Variants in TTLL8 observed in about 807,000 individuals in gnomAD.
TTLL8 encodes the protein tubulin tyrosine ligase like 8.
TTLL8 carries 65 observed loss-of-function variants against 77.8 expected under a neutral mutation model. The ratio of observed to expected loss-of-function variants is 0.84; its 90% CI spans 0.68 to 1.03. The LOEUF is 1.03. Ranked by LOEUF, TTLL8 falls within the 50% of genes least tolerant of loss-of-function variation. The pLI is 0.00. For synonymous variants in TTLL8, 402 were observed against 422.8 expected (o/e 0.95, Z 0.60); for missense variants, 910 against 1,004.5 (o/e 0.91, Z 1.27).
intron 3 of TTLL8, 124 bp downstream of exon 5, chr22:50,049,109 GGGGCCCTGCTGTGACT>G (rs2061429450): frequency 1.6e-6 from 2 of 1,272,590 alleles, no homozygotes; most frequent in African/African-American, 3.1e-5. Flanking sequence ...GCCCGGTCAA[GGGGCCCTGCTGTGACT>G]GGGGCTTTGC....
chr22:50,051,431 GT>G (rs1393491932), intron 1 of TTLL8, among the ~76,000 whole-genome samples: 1 of 152,198 alleles, frequency 6.6e-6, no homozygotes, highest in Non-Finnish European at 1.5e-5. Context: ...TTATCCGCTC[GT>G]TGGTTGATGG....
chr22:50,025,689 A>C (rs2061226628), intron 12 of TTLL8, among the ~76,000 whole-genome samples: 1 of 152,204 alleles, frequency 6.6e-6, no homozygotes, highest in Non-Finnish European at 1.5e-5. Flanking sequence ...AACCACTACA[A>C]GTAACTAACC....
chr22:50,030,411 C>A lies in TTLL8; in HGVS notation c.2203+19G>T, dbSNP rs777952873. 4 of 1,301,920 alleles carry A rather than the reference C, an allele frequency of 3.1e-6. No homozygotes were observed. The highest frequency in any genetic ancestry group is 3.0e-6 in the Non-Finnish European group (3 of 1,000,384). The allele number at this position is 1,301,920 out of a possible 1,614,324, so 80.6% of individuals were successfully genotyped here. A position where few individuals can be genotyped will look rare whatever the true frequency, so the allele number is the denominator to read the frequency against. On this transcript the variant is annotated intron_variant, in intron 12 of 13. Coordinates refer to ENST00000266182, the Ensembl canonical transcript of TTLL8. ...GGCGGCCCCCAAGCCCACAGCGCAC[C>A]GCCGGCGGCGCAGGTTACCTTTTCC...
upstream of TTLL8, among the ~76,000 whole-genome samples, chr22:50,056,046 G>A (rs1173120674): frequency 5.7e-4 from 87 of 152,236 alleles, no homozygotes; most frequent in Non-Finnish European, 1.2e-4. This position sits in a 1 kb window ranked among gnomAD's most constrained non-coding sequence, Gnocchi z 4.1. Context: ...AGTGACCTCC[G>A]GTCGTCCTCA....
upstream of TTLL8, chr22:50,056,715 G>C (rs1272991432): frequency 2.0e-6 from 2 of 981,552 alleles, no homozygotes; most frequent in Non-Finnish European, 2.4e-6. The surrounding 1 kb of genome is among the most constrained non-coding windows in gnomAD (Gnocchi z 4.1). Context: ...CCTCCGCCTG[G>C]ACCGTCCAAG....
At chr22:50,048,369 T>C (rs73893120) in intron 3 of TTLL8, among the ~76,000 whole-genome samples, 1,655 of 152,256 alleles carry the variant, frequency 0.011, 29 homozygotes, top group African/African-American at 0.037. Flanking sequence ...GTCATGAGCC[T>C]GAGCCCCTTA....
chr22:50,052,184 G>A (rs1250672537), intron 1 of TTLL8, among the ~76,000 whole-genome samples: 3 of 152,196 alleles, frequency 2.0e-5, no homozygotes, highest in South Asian at 2.1e-4. Flanking sequence ...GGCTGTGCAC[G>A]TGAATGAGCC....
intron 3 of TTLL8, among the ~76,000 whole-genome samples, chr22:50,048,567 C>A (rs1002399718): frequency 3.3e-5 from 5 of 152,118 alleles, no homozygotes; most frequent in African/African-American, 1.2e-4. Context: ...TGCCCACGGA[C>A]CTGTGGGAGC....
intron 1 of TTLL8, among the ~76,000 whole-genome samples, chr22:50,052,730 CAT>C (rs758904888): frequency 2.0e-5 from 3 of 152,192 alleles, no homozygotes; most frequent in Non-Finnish European, 4.4e-5. Flanking sequence ...TAGAAAGATA[CAT>C]GTGTATGCAC....
chr22:50,049,223 G>A, intron 3 of TTLL8, 26 bp downstream of exon 5: 10 of 1,367,470 alleles, frequency 7.3e-6, no homozygotes, highest in Non-Finnish European at 8.8e-6. Flanking sequence ...GGCCGCAGCT[G>A]ACCATGACGC....
At chr22:50,028,970 G>A (rs202124340) in intron 12 of TTLL8, among the ~76,000 whole-genome samples, 193 of 25,670 alleles carry the variant, frequency 7.5e-3, no homozygotes, top group East Asian at 0.017. Context: ...ACACCGTCCT[G>A]AAGACCCCCA....
upstream of TTLL8, among the ~76,000 whole-genome samples, chr22:50,055,883 G>A (rs965098256): frequency 1.3e-5 from 2 of 152,126 alleles, no homozygotes; most frequent in African/African-American, 4.8e-5. Context: ...ATGAGGCTGA[G>A]ACCTACAGGG....
intron 5 of TTLL8, chr22:50,045,634 G>T (rs1055895948): frequency 5.1e-6 from 3 of 593,544 alleles, no homozygotes; most frequent in South Asian, 7.5e-5. Context: ...GCTGCTCGCC[G>T]CGCTGTCCAC....
At chr22:50,035,649 C>CCCTGA (rs552318697) in intron 8 of TTLL8, among the ~76,000 whole-genome samples, 224 of 152,284 alleles carry the variant, frequency 1.5e-3, no homozygotes, top group Middle Eastern at 3.4e-3. Flanking sequence ...CCCCCCGCGC[C>CCCTGA]CCTGAAGCAG....
rs759149193 is a variant in TTLL8 at position 50,047,304 on chromosome 22, GA to G, written c.265-9del. The G allele has an allele frequency of 2.2e-6, 3 of 1,366,526 alleles. No individual in the cohort carries two copies. The highest frequency in any genetic ancestry group is 2.3e-5 in the South Asian group (2 of 87,854). The allele number at this position is 1,366,526 out of a possible 1,614,324, so 84.7% of individuals were successfully genotyped here. On this transcript the variant is annotated splice_polypyrimidine_tract_variant and intron_variant, in intron 3 of 13. Coordinates refer to ENST00000266182, the Ensembl canonical transcript of TTLL8. Reference sequence around the variant, plus strand: ...ATTTTTTACCAACCTAGACTGGCAAGAAAAAAGTCTTTATTGATGCCCAGCA... The same window carrying G: ...ATTTTTTACCAACCTAGACTGGCAAGAAAAAGTCTTTATTGATGCCCAGCA...
intron 10 of TTLL8, among the ~76,000 whole-genome samples, chr22:50,032,356 G>C (rs573367885): frequency 6.6e-6 from 1 of 152,346 alleles, no homozygotes; most frequent in Non-Finnish European, 1.5e-5. Flanking sequence ...AGAAATGGGC[G>C]CTGGCAGGGG....
upstream of TTLL8, among the ~76,000 whole-genome samples, chr22:50,057,148 G>GT: frequency 1.3e-5 from 1 of 79,380 alleles, no homozygotes; most frequent in African/African-American, 7.0e-5. Context: ...TCAGGTCTGA[G>GT]TTGGGGTCAG....
At chr22:50,019,205 T>A (rs894533161) in intron 12 of TTLL8, among the ~76,000 whole-genome samples, 7 of 151,456 alleles carry the variant, frequency 4.6e-5, no homozygotes, top group Non-Finnish European at 1.0e-4. Flanking sequence ...AGAAACAGAG[T>A]CTGTAACCTC....
chr22:50,020,368 G>T (rs552397934), intron 12 of TTLL8, among the ~76,000 whole-genome samples: 9 of 146,462 alleles, frequency 6.1e-5, no homozygotes, highest in African/African-American at 2.3e-4. Context: ...ATCTGATGAC[G>T]TGCACTCCTC....
Sources: gnomAD v4.1 joint callset for allele counts (sites outside exome capture counted in the v4.1 genomes callset) on GRCh38, gnomAD v4.1.1 for gene constraint, Gnocchi (gnomAD v3.1) non-coding constraint, MANE v1.5 for transcripts, NCBI Gene and HGNC (gene_info 2026-07-23, HGNC 2026-07-21) for gene names.